CHN2: variants seen among roughly 807,000 people sequenced by gnomAD.
CHN2 encodes beta-chimaerin.
A neutral mutation model predicts 56.3 loss-of-function variants in CHN2; 35 were observed. The observed-to-expected ratio is 0.62, with a 90% confidence interval of 0.47 to 0.82. CHN2 has a LOEUF of 0.82. Among genes scored for constraint, CHN2 ranks in the 40% least tolerant of loss-of-function variants. The pLI is 0.00. For missense variants in CHN2, 491 were observed against 580.5 expected (o/e 0.85, Z 1.58); for synonymous variants, 210 against 212.8 (o/e 0.99, Z 0.12).
chr7:29,281,254 T>A (rs1008806054), intron 1 of CHN2, among the ~76,000 whole-genome samples: 7 of 149,182 alleles, frequency 4.7e-5, no homozygotes. Flanking sequence ...TGTGTGCACA[T>A]ATTCTTCTTT....
At chr7:29,425,789 C>G (rs1251544788) in intron 6 of CHN2, among the ~76,000 whole-genome samples, 1 of 151,950 alleles carries the variant, frequency 6.6e-6, no homozygotes, top group Admixed American at 6.6e-5. Flanking sequence ...ATATGTCTCC[C>G]TTGAAATAAA....
At chr7:29,250,003 C>A (rs1176013120) in intron 1 of CHN2, among the ~76,000 whole-genome samples, 1 of 152,206 alleles carries the variant, frequency 6.6e-6, no homozygotes, top group Non-Finnish European at 1.5e-5. Flanking sequence ...CTGAATATAT[C>A]TGCATTGCCA....
chr7:29,376,727 T>A (rs1336051170), intron 3 of CHN2, among the ~76,000 whole-genome samples: 2 of 152,238 alleles, frequency 1.3e-5, no homozygotes, highest in Admixed American at 1.3e-4. Flanking sequence ...TATTCACGGA[T>A]TTCAGTGTAG....
chr7:29,273,351 A>ATATATATG (rs1790856386), intron 1 of CHN2, among the ~76,000 whole-genome samples: 4 of 49,832 alleles, frequency 8.0e-5, no homozygotes, highest in Admixed American at 2.5e-4. Context: ...GTGTATATAT[A>ATATATATG]TATATATATA....
intron 3 of CHN2, among the ~76,000 whole-genome samples, chr7:29,380,275 T>A (rs2128056810): frequency 7.6e-6 from 1 of 131,644 alleles, no homozygotes; most frequent in East Asian, 2.4e-4. Context: ...GTGGAGAAAT[T>A]TGGTTCTTAC....
At chr7:29,216,524 C>G (rs145400879) in intron 1 of CHN2, among the ~76,000 whole-genome samples, 20 of 152,312 alleles carry the variant, frequency 1.3e-4, no homozygotes, top group African/African-American at 4.6e-4. Flanking sequence ...CACTTTTTAG[C>G]TTATCATTCC....
At chr7:29,427,627 G>A (rs185753487) in intron 6 of CHN2, among the ~76,000 whole-genome samples, 2 of 149,982 alleles carry the variant, frequency 1.3e-5, no homozygotes, top group Admixed American at 6.6e-5. Context: ...GACCAAGCAA[G>A]CTATTAGTTC....
At chr7:29,294,588 T>A (rs1015505741) in intron 1 of CHN2, among the ~76,000 whole-genome samples, 5 of 152,152 alleles carry the variant, frequency 3.3e-5, no homozygotes, top group Admixed American at 1.3e-4. Flanking sequence ...GCAGCTGAGA[T>A]CTTAAGTCAG....
intron 2 of CHN2, among the ~76,000 whole-genome samples, chr7:29,186,797 G>A (rs1798770756): frequency 6.6e-6 from 1 of 151,956 alleles, no homozygotes; most frequent in Non-Finnish European, 1.5e-5. Context: ...TTTTTAGTGT[G>A]TATTGGAATG....
chr7:29,409,153 G>A (rs1212717740), intron 6 of CHN2, among the ~76,000 whole-genome samples: 1 of 152,146 alleles, frequency 6.6e-6, no homozygotes, highest in East Asian at 1.9e-4. Context: ...AAGCACGTGG[G>A]CAGCTCTGCG....
rs148266761 is a variant in CHN2, at chr7:29,169,880, G to GTGTGTGTA, written c.274+22921_274+22922insGTGTGTAT. Among the ~76,000 whole-genome samples, 942 of 150,012 alleles carry GTGTGTGTA rather than the reference G, an allele frequency of 6.3e-3. 12 individuals are homozygous for GTGTGTGTA. The highest frequency in any genetic ancestry group is 0.019 in the African/African-American group (756 of 40,444). On this transcript the variant is annotated intron_variant, in intron 2 of 6. Transcript: ENST00000439384. ...TATATACGTGTGTGTGTGTGTGTGT[G>GTGTGTGTA]TATATATATATGTATATACAGGTTG... is the stretch of plus-strand genomic sequence containing the variant.
intron 1 of CHN2, among the ~76,000 whole-genome samples, chr7:29,204,146 C>T (rs940114095): frequency 6.8e-6 from 1 of 147,568 alleles, no homozygotes; most frequent in Non-Finnish European, 1.5e-5. Context: ...GCCTTTGTAC[C>T]GTGATGTCCT....
At chr7:29,377,309 C>T (rs1056041551) in intron 3 of CHN2, among the ~76,000 whole-genome samples, 14 of 152,198 alleles carry the variant, frequency 9.2e-5, no homozygotes, top group African/African-American at 2.7e-4. Flanking sequence ...CAGGCGTGAG[C>T]GACCACGCCC....
intron 1 of CHN2, among the ~76,000 whole-genome samples, chr7:29,206,178 G>A (rs1584730251): frequency 1.3e-5 from 2 of 152,312 alleles, no homozygotes; most frequent in East Asian, 3.9e-4. Flanking sequence ...TGTCATAGGA[G>A]TGCAACTGTA....
At chr7:29,473,676 CAT>C (rs527275177) in intron 6 of CHN2, among the ~76,000 whole-genome samples, 100 of 151,972 alleles carry the variant, frequency 6.6e-4, no homozygotes, top group African/African-American at 2.3e-3. Context: ...TCTGGGGCTC[CAT>C]ATGTTTTAAG....
chr7:29,215,465 C>A (rs995006712), intron 1 of CHN2, among the ~76,000 whole-genome samples: 4 of 152,110 alleles, frequency 2.6e-5, no homozygotes, highest in Admixed American at 2.0e-4. Context: ...TAGCCTGGAG[C>A]CAGAACTGTA....
chr7:29,367,904 C>G, intron 2 of CHN2, 28 bp from the exon 3 acceptor site: 2 of 673,542 alleles, frequency 3.0e-6, no homozygotes, highest in Admixed American at 3.4e-5. Flanking sequence ...CTAATTATTT[C>G]TCTCTCTCTC....
At chr7:29,153,848 G>C (rs144132465) in intron 2 of CHN2, among the ~76,000 whole-genome samples, 2,608 of 152,214 alleles carry the variant, frequency 0.017, 55 homozygotes, top group African/African-American at 0.059. Flanking sequence ...GGGATTACAG[G>C]CATGAGCCAC....
intron 1 of CHN2, among the ~76,000 whole-genome samples, chr7:29,321,406 T>G (rs1193870588): frequency 6.6e-6 from 1 of 151,994 alleles, no homozygotes; most frequent in Non-Finnish European, 1.5e-5. Context: ...AGGATATACC[T>G]CTATGATCCT....
Sources: allele counts gnomAD v4.1 joint callset (sites outside exome capture counted in the v4.1 genomes callset), GRCh38; gene constraint gnomAD v4.1.1; transcripts MANE v1.5; gene names NCBI Gene and HGNC (gene_info 2026-07-23, HGNC 2026-07-21).